KSR2: variants seen among roughly 807,000 people sequenced by gnomAD.
KSR2 encodes kinase suppressor of ras 2.
A neutral mutation model predicts 107.8 loss-of-function variants in KSR2; 25 were observed. The ratio of observed to expected loss-of-function variants is 0.23; its 90% CI spans 0.17 to 0.32. The LOEUF (loss-of-function observed/expected upper bound fraction) is 0.32, where lower values mean the gene tolerates loss of function less well. Ranked by LOEUF, KSR2 falls within the 10% of genes least tolerant of loss-of-function variation. KSR2 has a pLI of 1.00. For missense variants in KSR2, 887 were observed against 1,268.9 expected (o/e 0.70, Z 4.57); for synonymous variants, 480 against 507.0 (o/e 0.95, Z 0.71).
chr12:117,567,093 A>C (rs1332892507), intron 7 of KSR2, among the ~76,000 whole-genome samples: 2 of 152,240 alleles, frequency 1.3e-5, no homozygotes, highest in Non-Finnish European at 2.9e-5. Flanking sequence ...CCCTGCCTTC[A>C]AAGAGTTTAA....
intron 5 of KSR2, among the ~76,000 whole-genome samples, chr12:117,648,083 A>G (rs1883731797): frequency 2.6e-5 from 4 of 152,186 alleles, no homozygotes. Context: ...GGCAGGTCCA[A>G]TGGTCACAAA....
At chr12:117,693,952 A>C (rs1220023475) in intron 4 of KSR2, among the ~76,000 whole-genome samples, 1 of 152,084 alleles carries the variant, frequency 6.6e-6, no homozygotes, top group Non-Finnish European at 1.5e-5. Flanking sequence ...TTCCAATTCC[A>C]TATTCTTTGG....
In KSR2 at chr12:117,546,720, T is replaced by C. The variant is rs528273186; in HGVS notation, c.1519-6833A>G. ...ATCATTCTATCTTCAAGTTCACAAATTCTTTCCTCTGCCCCATCCAACTTG... is the reference window on the plus strand; with the variant it reads ...ATCATTCTATCTTCAAGTTCACAAACTCTTTCCTCTGCCCCATCCAACTTG... On this transcript the variant is annotated intron_variant, in intron 9 of 19. Coordinates refer to ENST00000339824, the MANE Select transcript of KSR2 (RefSeq NM_173598.6). 2.8e-4 allele frequency among the ~76,000 whole-genome samples: 42 copies of C among 152,332 alleles called. No individual in the cohort carries two copies. The South Asian group carries it at 8.7e-3, about 32-fold the overall frequency.
chr12:117,798,587 C>A (rs371618487), intron 3 of KSR2, among the ~76,000 whole-genome samples: 61 of 151,960 alleles, frequency 4.0e-4, no homozygotes, highest in South Asian at 2.1e-4. Flanking sequence ...AGGCTTAGAT[C>A]GCACCATTGC....
At chr12:117,693,325 G>C (rs965759949) in intron 4 of KSR2, among the ~76,000 whole-genome samples, 10 of 152,206 alleles carry the variant, frequency 6.6e-5, no homozygotes, top group African/African-American at 2.2e-4. Flanking sequence ...AGATGCTTTA[G>C]AGTAAGAATC....
chr12:117,861,785 AGTCCT>A (rs1893307054), intron 1 of KSR2, among the ~76,000 whole-genome samples: 1 of 152,168 alleles, frequency 6.6e-6, no homozygotes, highest in African/African-American at 2.4e-5. Context: ...TTGAACTGTA[AGTCCT>A]ACAAAAGCAT....
chr12:117,539,584 C>A (rs1332325636), intron 10 of KSR2, 135 bp downstream of exon 10: 7 of 770,774 alleles, frequency 9.1e-6, no homozygotes, highest in Non-Finnish European at 1.4e-5. Flanking sequence ...TACTTCCTTG[C>A]CCCTCTCTGG....
intron 1 of KSR2, among the ~76,000 whole-genome samples, chr12:117,901,308 CTT>C (rs201097214): frequency 2.8e-5 from 4 of 144,370 alleles, no homozygotes; most frequent in Admixed American, 7.0e-5. Flanking sequence ...TTCTTTTTTT[CTT>C]TTTTTTTTTT....
At chr12:117,878,588 G>C (rs910288808) in intron 1 of KSR2, among the ~76,000 whole-genome samples, 1 of 152,166 alleles carries the variant, frequency 6.6e-6, no homozygotes, top group South Asian at 2.1e-4. Context: ...ACTGCTGGGG[G>C]TACTGAGAGC....
intron 1 of KSR2, among the ~76,000 whole-genome samples, chr12:117,886,075 A>C (rs1471107281): frequency 2.6e-5 from 4 of 151,318 alleles, no homozygotes; most frequent in Non-Finnish European, 5.9e-5. Context: ...CAGCCTGGGC[A>C]ACAGACTGAG....
chr12:117,804,552 T>C (rs1193652494), intron 3 of KSR2, among the ~76,000 whole-genome samples: 2 of 152,198 alleles, frequency 1.3e-5, no homozygotes, highest in African/African-American at 4.8e-5. Context: ...CGAACAATAA[T>C]TACTACTGTT....
intron 18 of KSR2, among the ~76,000 whole-genome samples, chr12:117,470,346 C>G (rs906012968): frequency 3.3e-5 from 5 of 151,842 alleles, no homozygotes; most frequent in African/African-American, 1.2e-4. Context: ...ATACATCCAC[C>G]CATCTATGTC....
At chr12:117,700,048 CTT>C (rs370253048) in intron 4 of KSR2, among the ~76,000 whole-genome samples, 2 of 143,686 alleles carry the variant, frequency 1.4e-5, no homozygotes, top group Non-Finnish European at 3.0e-5. Context: ...AATTTTGGTA[CTT>C]TTTTTTTTTT....
At chr12:117,918,691 G>A (rs1218074128) in intron 1 of KSR2, among the ~76,000 whole-genome samples, 2 of 152,040 alleles carry the variant, frequency 1.3e-5, no homozygotes, top group Non-Finnish European at 2.9e-5. Flanking sequence ...GGGAGGCTGA[G>A]GCAGGAGATT....
intron 5 of KSR2, among the ~76,000 whole-genome samples, chr12:117,585,728 C>G (rs1203471311): frequency 6.6e-6 from 1 of 152,214 alleles, no homozygotes; most frequent in African/African-American, 2.4e-5. Flanking sequence ...ACAGAAACTT[C>G]TGCTTAACAA....
chr12:117,547,870 G>A (rs1307291382), intron 9 of KSR2, among the ~76,000 whole-genome samples: 1 of 152,222 alleles, frequency 6.6e-6, no homozygotes, highest in Non-Finnish European at 1.5e-5. Context: ...GCCGTGGCAG[G>A]TGGATCACAA....
chr12:117,614,339 T>C (rs1174723936), intron 5 of KSR2, among the ~76,000 whole-genome samples: 1 of 152,188 alleles, frequency 6.6e-6, no homozygotes, highest in Non-Finnish European at 1.5e-5. Context: ...TAAGCATAAA[T>C]TACTTTTTAT....
intron 3 of KSR2, among the ~76,000 whole-genome samples, chr12:117,840,762 G>A (rs1320985528): frequency 1.3e-5 from 2 of 152,056 alleles, no homozygotes; most frequent in African/African-American, 2.4e-5. Context: ...CAACACTCTG[G>A]GAGGCCGAGG....
chr12:117,794,699 A>G lies in KSR2; in HGVS notation c.473-33175T>C, dbSNP rs1039785232. 1.4e-4 allele frequency among the ~76,000 whole-genome samples: 21 copies of G among 152,046 alleles called. No individual in the cohort carries two copies. The Middle Eastern group carries it at 0.01, about 74-fold the overall frequency. The stretch of plus-strand genomic sequence containing the variant: ...CACTCATACCAACAGGCACACACAC[A>G]CCAACATGCACACATACACACCAAT... On this transcript the variant is annotated intron_variant, in intron 3 of 19. Transcript: ENST00000339824.
Sources: allele counts gnomAD v4.1 joint callset (sites outside exome capture counted in the v4.1 genomes callset), GRCh38; gene constraint gnomAD v4.1.1; transcripts MANE v1.5; gene names NCBI Gene and HGNC (gene_info 2026-07-23, HGNC 2026-07-21).